PPARGC1A: variants seen among roughly 807,000 people sequenced by gnomAD.
The protein encoded by PPARGC1A is PPARG coactivator 1 alpha.
Under a neutral mutation model 88.7 loss-of-function variants are expected in PPARGC1A, and 25 were observed. That is an observed-to-expected ratio of 0.28 (90% CI 0.21 to 0.39). PPARGC1A has a LOEUF of 0.39. PPARGC1A is among the 10% of genes least tolerant of loss of function. The probability of loss-of-function intolerance (pLI) is 1.00; values close to 1 mark genes in which losing one functional copy is unlikely to be tolerated. For synonymous variants in PPARGC1A, 363 were observed against 355.6 expected (o/e 1.02, Z -0.24); for missense variants, 880 against 968.7 (o/e 0.91, Z 1.22).
chr4:24,269,148 C>A, the PPARGC1A span, among the ~76,000 whole-genome samples: 1 of 152,018 alleles, frequency 6.6e-6, no homozygotes, highest in Non-Finnish European at 1.5e-5. Context: ...AGTAATCTTT[C>A]TGGATTTTGG....
chr4:23,875,815 A>C (rs1031075547), intron 2 of PPARGC1A: 2 of 152,170 alleles, frequency 1.3e-5, no homozygotes, highest in Non-Finnish European at 2.9e-5. Context: ...TTAATAGAAG[A>C]TGTTTTGTGT....
chr4:23,907,344 A>C (rs532619619), upstream of PPARGC1A, among the ~76,000 whole-genome samples: 4 of 152,306 alleles, frequency 2.6e-5, no homozygotes, highest in African/African-American at 7.2e-5. Flanking sequence ...TTATTTTTTA[A>C]CAACTAACTT....
the PPARGC1A span, among the ~76,000 whole-genome samples, chr4:23,962,610 A>G: frequency 2.0e-5 from 3 of 152,156 alleles, no homozygotes; most frequent in African/African-American, 7.2e-5. Flanking sequence ...TTTGTCTATG[A>G]CTGAGCAATC....
At chr4:23,913,347 T>C in the PPARGC1A span, among the ~76,000 whole-genome samples, 12 of 149,560 alleles carry the variant, frequency 8.0e-5, no homozygotes, top group Non-Finnish European at 3.0e-5. Flanking sequence ...CTAACTGATA[T>C]ATCTTCCAAC....
chr4:24,017,736 GGT>G, the PPARGC1A span, among the ~76,000 whole-genome samples: 1 of 151,902 alleles, frequency 6.6e-6, no homozygotes, highest in African/African-American at 2.4e-5. Flanking sequence ...TCAACTTTTG[GGT>G]GTGTTAAAGA....
the PPARGC1A span, among the ~76,000 whole-genome samples, chr4:24,310,279 T>C: frequency 6.6e-6 from 1 of 152,118 alleles, no homozygotes; most frequent in Non-Finnish European, 1.5e-5. Context: ...TCACCTAGGA[T>C]CAACTAAAAA....
chr4:24,265,268 G>A, the PPARGC1A span, among the ~76,000 whole-genome samples: 1 of 152,150 alleles, frequency 6.6e-6, no homozygotes, highest in Non-Finnish European at 1.5e-5. Flanking sequence ...TAGTACCAGT[G>A]TTTCCTATTC....
the PPARGC1A span, among the ~76,000 whole-genome samples, chr4:24,461,734 TA>T: frequency 2.0e-5 from 3 of 152,202 alleles, no homozygotes; most frequent in African/African-American, 4.8e-5. Context: ...TAACACAATT[TA>T]AAAAAACTCT....
At chr4:24,094,463 T>C in the PPARGC1A span, among the ~76,000 whole-genome samples, 1 of 152,228 alleles carries the variant, frequency 6.6e-6, no homozygotes, top group Non-Finnish European at 1.5e-5. Flanking sequence ...AGTCTTGATT[T>C]TTCCTGTTCA....
the PPARGC1A span, among the ~76,000 whole-genome samples, chr4:24,031,934 G>A: frequency 6.6e-6 from 1 of 152,148 alleles, no homozygotes; most frequent in Admixed American, 6.5e-5. Flanking sequence ...GCCCAGAGAG[G>A]GGGAACTGGC....
chr4:23,887,723 G>A (rs1167391909), intron 1 of PPARGC1A, among the ~76,000 whole-genome samples: 1 of 152,102 alleles, frequency 6.6e-6, no homozygotes, highest in African/African-American at 2.4e-5. Flanking sequence ...ACCTTTTGGA[G>A]GTTTTTGTGC....
At chr4:24,427,182 C>T in the PPARGC1A span, among the ~76,000 whole-genome samples, 3 of 152,060 alleles carry the variant, frequency 2.0e-5, no homozygotes, top group African/African-American at 7.2e-5. Context: ...ATTACAAATT[C>T]ACTTGTATTT....
At chr4:23,813,618 T>TA in intron 8 of PPARGC1A, 72 bp downstream of exon 8, 2 of 1,357,398 alleles carry the variant, frequency 1.5e-6, no homozygotes, top group Middle Eastern at 4.5e-4. Context: ...TTCAAATTTT[T>TA]ATTTGTATTT....
chr4:24,453,985 T>A, the PPARGC1A span, among the ~76,000 whole-genome samples: 2 of 152,064 alleles, frequency 1.3e-5, no homozygotes, highest in Admixed American at 1.3e-4. Flanking sequence ...GCTTTATTAG[T>A]AACAAGCCTA....
Position 23,889,943 on chromosome 4 carries a change from C to T in PPARGC1A, c.15G>A (p.Met5Ile). 1 of 1,613,948 alleles carries T rather than the reference C, an allele frequency of 6.2e-7. No homozygotes were observed. Among genetic ancestry groups the T allele is most frequent in the South Asian group, 1.1e-5 (1 of 91,068 alleles). Residue 5 changes from methionine (M) to isoleucine (I), a missense_variant, in exon 1 of 13, where the codon ATG becomes ATA. By Grantham distance (10) the Met-to-Ile change is conservative (BLOSUM62 1). Coordinates refer to ENST00000264867, the MANE Select transcript of PPARGC1A (RefSeq NM_013261.5). ...ATACAGACTCAGAGTCCTGGTTGCACATGTCCCACGCCATCCAGCTCCTGA... is the reference window on the plus strand; with the variant it reads ...ATACAGACTCAGAGTCCTGGTTGCATATGTCCCACGCCATCCAGCTCCTGA... MAWDMCNQDSESVWS... is the reference protein window; with the variant it reads MAWDICNQDSESVWS...
chr4:24,424,218 G>GGA, the PPARGC1A span, among the ~76,000 whole-genome samples: 1 of 107,762 alleles, frequency 9.3e-6, no homozygotes, highest in African/African-American at 3.4e-5. Context: ...TTAGGAAAAG[G>GGA]AAAAAAAAAA....
the PPARGC1A span, among the ~76,000 whole-genome samples, chr4:24,370,749 C>CTTTTTTTTTTT: frequency 8.0e-5 from 5 of 62,868 alleles, no homozygotes; most frequent in East Asian, 4.4e-4. Flanking sequence ...CTGTCTCTCT[C>CTTTTTTTTTTT]TTTTTTTTTT....
At chr4:24,176,620 G>A in the PPARGC1A span, among the ~76,000 whole-genome samples, 7 of 152,276 alleles carry the variant, frequency 4.6e-5, no homozygotes, top group South Asian at 1.5e-3. Flanking sequence ...GAAGAGCCCT[G>A]TGCCAGACAT....
the PPARGC1A span, among the ~76,000 whole-genome samples, chr4:24,134,923 T>C: frequency 1.3e-5 from 2 of 152,188 alleles, no homozygotes; most frequent in Non-Finnish European, 2.9e-5. Context: ...TCTGGTCTCA[T>C]CTGTGCCTTC....
Sources: gnomAD v4.1 joint callset for allele counts (sites outside exome capture counted in the v4.1 genomes callset) on GRCh38, gnomAD v4.1.1 for gene constraint, MANE v1.5 for transcripts, NCBI Gene and HGNC (gene_info 2026-07-23, HGNC 2026-07-21) for gene names.